ECD: variants seen among roughly 807,000 people sequenced by gnomAD.
ECD encodes the protein protein ecdysoneless homolog.
ECD carries 59 observed loss-of-function variants against 77.2 expected under a neutral mutation model. The observed-to-expected ratio is 0.76, with a 90% CI of 0.62 to 0.95. ECD has a LOEUF of 0.95. ECD is among the 40% of genes least tolerant of loss of function. The pLI is 0.00. For synonymous variants in ECD, 233 were observed against 267.4 expected, an observed-to-expected ratio of 0.87 and a Z score of 1.26; for missense variants, 704 against 763.4, an observed-to-expected ratio of 0.92 and a Z score of 0.92.
intron 13 of ECD, 92 bp downstream of exon 13, chr10:73,136,612 C>T: frequency 2.6e-6 from 3 of 1,173,646 alleles, no homozygotes; most frequent in East Asian, 2.4e-5. Context: ...TCAAATCTCA[C>T]ACACCAAAAA....
intron 3 of ECD, 132 bp downstream of exon 3, chr10:73,160,300 AGC>A: frequency 2.1e-6 from 1 of 478,534 alleles, no homozygotes. Flanking sequence ...AAAAAAAAAG[AGC>A]ACAGATACTA....
At chr10:73,147,087 A>C (rs1192655572) in intron 8 of ECD, among the ~76,000 whole-genome samples, 1 of 151,600 alleles carries the variant, frequency 6.6e-6, no homozygotes, top group Non-Finnish European at 1.5e-5. Context: ...AAAAGAAAAA[A>C]AAACAATCTT....
intron 3 of ECD, among the ~76,000 whole-genome samples, chr10:73,159,543 G>GT (rs373387596): frequency 2.6e-5 from 4 of 151,322 alleles, no homozygotes; most frequent in African/African-American, 7.3e-5. Flanking sequence ...TTTACCACAT[G>GT]TATTTGTTTT....
At chr10:73,154,573 G>A in intron 5 of ECD, 125 bp from the exon 6 acceptor site, 8 of 831,180 alleles carry the variant, frequency 9.6e-6, no homozygotes, top group African/African-American at 1.7e-5. Context: ...TGACAAGAGA[G>A]ATGAAAAAAG....
At chr10:73,148,507 G>A (rs1843157416) in intron 7 of ECD, 103 bp from the exon 8 acceptor site, 3 of 1,271,634 alleles carry the variant, frequency 2.4e-6, no homozygotes, top group Middle Eastern at 4.0e-4. Context: ...AGAACTAGAT[G>A]ACTGGATACA....
At chr10:73,150,798 A>G (rs1475109042) in intron 7 of ECD, among the ~76,000 whole-genome samples, 1 of 152,264 alleles carries the variant, frequency 6.6e-6, no homozygotes, top group Non-Finnish European at 1.5e-5. Context: ...TCGCCATCAG[A>G]GAAATGCAAA....
intron 7 of ECD, among the ~76,000 whole-genome samples, chr10:73,149,345 T>C (rs1843171463): frequency 1.3e-5 from 2 of 152,210 alleles, no homozygotes; most frequent in African/African-American, 4.8e-5. Flanking sequence ...TTAACATTTT[T>C]TGACTTTATG....
chr10:73,163,785 G>A lies in ECD; in HGVS notation c.153C>T (p.Val51=). The change falls in exon 2 of 14, where the codon GTC becomes GTT. Residue 51 remains valine, a synonymous_variant. Coordinates refer to ENST00000372979, the MANE Select transcript of ECD (RefSeq NM_007265.3). The part of the protein sequence containing the change: ...RIITRFAPML[V]PYIWQNQPFN... ...AAGGCTGATTCTGCCAGATGTAGGGGACCAGCATAGGTGCAAACCGAGTGA... is the reference window on the plus strand; with the variant it reads ...AAGGCTGATTCTGCCAGATGTAGGGAACCAGCATAGGTGCAAACCGAGTGA... 3 of 1,614,096 alleles carry A rather than the reference G, an allele frequency of 1.9e-6. No individual in the cohort carries two copies. The highest frequency in any genetic ancestry group is 2.5e-6 in the Non-Finnish European group (3 of 1,180,028).
At chr10:73,137,176 A>G (rs1262729275) in intron 12 of ECD, among the ~76,000 whole-genome samples, 3 of 151,942 alleles carry the variant, frequency 2.0e-5, no homozygotes, top group Non-Finnish European at 4.4e-5. Flanking sequence ...AATTCAATTA[A>G]TTAAAATATT....
chr10:73,136,740 G>GGT lies in ECD; in HGVS notation c.1666_1667dup (p.Cys557ProfsTer39). 1 of 1,614,016 alleles carries GGT rather than the reference G, an allele frequency of 6.2e-7. No homozygotes were observed. Among genetic ancestry groups the GGT allele is most frequent in the Non-Finnish European group, 8.5e-7 (1 of 1,179,960 alleles). On this transcript the variant is annotated frameshift_variant, in exon 13 of 14. Coordinates refer to ENST00000372979, the MANE Select transcript of ECD (RefSeq NM_007265.3). LOFTEE classifies it high-confidence loss of function. ...TAGTGGTGAAACTTTTGCTGATGCA[G>GGT]GTGTGTGCTAGTTCCTGGTCCATCT...
Position 73,156,389 on chromosome 10 carries a change from C to T in ECD, c.476G>A (p.Trp159Ter), listed in dbSNP as rs777956764. Reference sequence around the variant, plus strand: ...AATTGTTGGGGGTGTGGTGGGTAACCAAGATTCTGCTCCAGATTTTCTTGG... The same window carrying T: ...AATTGTTGGGGGTGTGGTGGGTAACTAAGATTCTGCTCCAGATTTTCTTGG... Reference protein sequence around the residue: ...PAPRKSGAESWLPTTPPTIPQ... With the variant: ...PAPRKSGAES Residue 159 changes from tryptophan to a stop codon, truncating the protein, a stop_gained, in exon 5 of 14, where the codon TGG becomes TAG. Transcript: ENST00000372979. LOFTEE classifies it high-confidence loss of function. The T allele has an allele frequency of 1.9e-6, 3 of 1,613,344 alleles. No individual in the cohort carries two copies. The East Asian group carries it at 6.7e-5, about 36-fold the overall frequency.
At chr10:73,165,356 TTTC>T (rs1458292484) in intron 1 of ECD, among the ~76,000 whole-genome samples, 2 of 152,140 alleles carry the variant, frequency 1.3e-5, no homozygotes, top group East Asian at 3.9e-4. Flanking sequence ...TTCTTTTTCT[TTTC>T]TTTTTTTTTT....
At chr10:73,146,457 T>C in intron 8 of ECD, 96 bp from the exon 9 acceptor site, 1 of 697,740 alleles carries the variant, frequency 1.4e-6, no homozygotes, top group East Asian at 3.1e-5. Flanking sequence ...GCAAATAATC[T>C]ACTACTCAGG....
At chr10:73,144,520 G>GGTA (rs1564661752) in intron 9 of ECD, among the ~76,000 whole-genome samples, 1 of 152,126 alleles carries the variant, frequency 6.6e-6, no homozygotes, top group Admixed American at 6.5e-5. Context: ...GTAGAATGAT[G>GGTA]GTTACCAGAG....
At chr10:73,166,639 T>TA (rs1231955192) in intron 1 of ECD, among the ~76,000 whole-genome samples, 1 of 152,234 alleles carries the variant, frequency 6.6e-6, no homozygotes, top group African/African-American at 2.4e-5. Context: ...TCAGAGTTTT[T>TA]ATCCAATTCT....
chr10:73,143,564 ATAG>A (rs1467835999), intron 9 of ECD, among the ~76,000 whole-genome samples: 1 of 152,094 alleles, frequency 6.6e-6, no homozygotes, highest in African/African-American at 2.4e-5. Flanking sequence ...TTGTGGGTAC[ATAG>A]TAGGTGTATA....
chr10:73,164,308 T>G (rs900550359), intron 1 of ECD, among the ~76,000 whole-genome samples: 1 of 150,536 alleles, frequency 6.6e-6, no homozygotes, highest in Non-Finnish European at 1.5e-5. Context: ...GCCGAGATCA[T>G]GCCACTGCAC....
chr10:73,156,356 G>T lies in ECD; in HGVS notation c.509C>A (p.Ala170Glu). 1.2e-6 allele frequency: 2 copies of T among 1,613,942 alleles called. No individual in the cohort carries two copies. Among genetic ancestry groups the T allele is most frequent in the Non-Finnish European group, 1.7e-6 (2 of 1,179,968 alleles). ...TGAATGTGCTGTGATTATATTCAAT[G>T]CTTGTGGAATTGTTGGGGGTGTGGT... ...LPTTPPTIPQ[A>E]LNIITAHSEK... is the part of the protein sequence containing the mutation. The change falls in exon 5 of 14, where the codon GCA becomes GAA. Residue 170 changes from alanine (A) to glutamate (E), a missense_variant. Ala to Glu is a moderately radical substitution (Grantham distance 107). This residue lies in a region of ECD where 559 missense variants were observed against 583.7 expected (regional missense o/e 0.96). Coordinates refer to ENST00000372979, the MANE Select transcript of ECD (RefSeq NM_007265.3).
At chr10:73,163,013 G>C (rs1469851161) in intron 2 of ECD, among the ~76,000 whole-genome samples, 1 of 152,182 alleles carries the variant, frequency 6.6e-6, no homozygotes, top group Admixed American at 6.5e-5. Context: ...ATGGGAGGTG[G>C]GGTGGATTTC....
Sources: gnomAD v4.1 joint callset for allele counts (sites outside exome capture counted in the v4.1 genomes callset) on GRCh38, gnomAD v4.1.1 for gene constraint, gnomAD v4.1.1 regional missense constraint, MANE v1.5 for transcripts, NCBI Gene and HGNC (gene_info 2026-07-23, HGNC 2026-07-21) for gene names.